Variants in FRK observed in about 807,000 individuals in gnomAD.
FRK encodes the protein tyrosine-protein kinase FRK.
A neutral mutation model predicts 56.4 loss-of-function variants in FRK; 51 were observed. The observed-to-expected ratio is 0.90, with a 90% CI of 0.72 to 1.14. The LOEUF is 1.14. Ranked by LOEUF, FRK falls within the 50% of genes most tolerant of loss-of-function variation. FRK has a pLI of 0.00. For synonymous variants in FRK, 245 were observed against 217.9 expected (o/e 1.12, Z -1.10); for missense variants, 570 against 601.4 (o/e 0.95, Z 0.55).
rs930013056 is a variant in FRK at position 115,935,557 on chromosome 6, G to C, written c.*6857C>G. 6.6e-6 allele frequency: 1 copy of C among 152,590 alleles called. No individual in the cohort carries two copies. The highest frequency in any genetic ancestry group is 1.5e-5 in the Non-Finnish European group (1 of 68,362). The allele number at this position is 152,590 out of a possible 1,614,324, so 9.5% of individuals were successfully genotyped here. A position where few individuals can be genotyped will look rare whatever the true frequency, so the allele number is the denominator to read the frequency against. On this transcript the variant is annotated 3_prime_UTR_variant, in exon 8 of 8. Coordinates refer to ENST00000606080, the MANE Select transcript of FRK (RefSeq NM_002031.3). ...AGGGAGCCAAGTGGTCTAGCTTGGCGGGTCCCACCCCCACGGAGCCCAGCA... is the reference window on the plus strand; with the variant it reads ...AGGGAGCCAAGTGGTCTAGCTTGGCCGGTCCCACCCCCACGGAGCCCAGCA...
chr6:115,954,990 A>G (rs1317351464), intron 5 of FRK, among the ~76,000 whole-genome samples: 1 of 152,206 alleles, frequency 6.6e-6, no homozygotes, highest in Admixed American at 6.5e-5. Flanking sequence ...TATTTACATT[A>G]TGCAGACTGA....
chr6:116,098,656 T>G, the FRK span, among the ~76,000 whole-genome samples: 1 of 152,230 alleles, frequency 6.6e-6, no homozygotes, highest in African/African-American at 2.4e-5. Context: ...AAACAGAAAT[T>G]AATTGGTATC....
At chr6:116,080,974 A>G in the FRK span, among the ~76,000 whole-genome samples, 4 of 152,228 alleles carry the variant, frequency 2.6e-5, no homozygotes, top group Non-Finnish European at 4.4e-5. Flanking sequence ...CTCACTGTTC[A>G]GCATGGCTGG....
chr6:115,931,264 T>C lies in FRK; in HGVS notation c.*11150A>G, dbSNP rs1447346743. ...ACTTTGATATAATTATCATAATAAA[T>C]CCAGTGTGAATAAAAATAGAATACA... On this transcript the variant is annotated 3_prime_UTR_variant, in exon 8 of 8. Transcript: ENST00000606080. 7.2e-5 allele frequency: 11 copies of C among 152,116 alleles called. No homozygotes were observed. The highest frequency in any genetic ancestry group is 1.5e-4 in the Non-Finnish European group (10 of 68,008). 9.4% of individuals were successfully genotyped at this position (152,116 alleles called of 1,614,324 possible). A position where few individuals can be genotyped will look rare whatever the true frequency, so the allele number is the denominator to read the frequency against.
At chr6:116,018,813 C>T (rs1046519033) in intron 1 of FRK, among the ~76,000 whole-genome samples, 3 of 151,886 alleles carry the variant, frequency 2.0e-5, no homozygotes, top group Admixed American at 2.0e-4. Context: ...CATTGAAATA[C>T]TCAGAGCATA....
intron 2 of FRK, among the ~76,000 whole-genome samples, chr6:116,002,447 T>A (rs192530198): frequency 6.6e-6 from 1 of 151,920 alleles, no homozygotes; most frequent in East Asian, 1.9e-4. Context: ...TGAAATCCCG[T>A]CCCAACTGAA....
chr6:115,944,550 G>A, intron 5 of FRK, 125 bp from the exon 6 acceptor site: 1 of 628,364 alleles, frequency 1.6e-6, no homozygotes, highest in East Asian at 2.8e-5. Flanking sequence ...GATCTGTTGA[G>A]CAAAATATAT....
chr6:116,045,578 T>C (rs1776916924), intron 1 of FRK, among the ~76,000 whole-genome samples: 2 of 152,144 alleles, frequency 1.3e-5, no homozygotes, highest in African/African-American at 4.8e-5. Flanking sequence ...TATACAAAAA[T>C]TAACTCAAGA....
At chr6:116,094,148 A>G in the FRK span, among the ~76,000 whole-genome samples, 2 of 152,210 alleles carry the variant, frequency 1.3e-5, no homozygotes, top group Non-Finnish European at 2.9e-5. Flanking sequence ...GTCCAACAAG[A>G]AACAAGCTGC....
chr6:116,028,488 T>G (rs1264676956), intron 1 of FRK, among the ~76,000 whole-genome samples: 1 of 152,098 alleles, frequency 6.6e-6, no homozygotes, highest in Non-Finnish European at 1.5e-5. Flanking sequence ...GCTCTCAAGG[T>G]TACAAGTCTG....
chr6:115,976,396 C>T (rs981030940), intron 2 of FRK, among the ~76,000 whole-genome samples: 7 of 151,992 alleles, frequency 4.6e-5, no homozygotes, highest in African/African-American at 1.7e-4. Context: ...ATTCCAGAAA[C>T]TAAGTTTGGA....
intron 2 of FRK, among the ~76,000 whole-genome samples, chr6:115,971,574 A>C (rs1773806277): frequency 6.6e-6 from 1 of 152,204 alleles, no homozygotes; most frequent in African/African-American, 2.4e-5. Flanking sequence ...TTTAATTTGT[A>C]GTCTGTGAGA....
chr6:116,074,005 C>G, the FRK span, among the ~76,000 whole-genome samples: 1 of 152,186 alleles, frequency 6.6e-6, no homozygotes, highest in African/African-American at 2.4e-5. Context: ...GCACCTGCTT[C>G]TAAATTACCC....
At position 115,953,179 on chromosome 6, in the gene FRK, C is replaced by CCCT. The variant is rs146010240; in HGVS notation, c.958+3272_958+3273insAGG. ...AAGAGTGGTACATCCATTTTAAGGC[C>CCCT]ATTTTTTTTTTTTTTTTTTTTTTTT... On this transcript the variant is annotated intron_variant, in intron 5 of 7. Coordinates refer to ENST00000606080, the MANE Select transcript of FRK (RefSeq NM_002031.3). 4.3e-5 allele frequency among the ~76,000 whole-genome samples: 3 copies of CCCT among 69,398 alleles called. 1 individual carries two copies. The highest frequency in any genetic ancestry group is 9.3e-5 in the African/African-American group (2 of 21,452). The allele number at this position is 69,398 out of a possible 152,430, so 45.5% of individuals were successfully genotyped here.
chr6:116,005,257 C>T (rs1016791266), intron 1 of FRK, among the ~76,000 whole-genome samples: 1 of 152,106 alleles, frequency 6.6e-6, no homozygotes, highest in Non-Finnish European at 1.5e-5. Context: ...GAGTAATGAA[C>T]AACTCCAAAA....
intron 1 of FRK, among the ~76,000 whole-genome samples, chr6:116,015,893 T>G (rs1775629348): frequency 6.6e-6 from 1 of 152,174 alleles, no homozygotes; most frequent in Admixed American, 6.6e-5. Context: ...CAGTCAGTCA[T>G]ATGCATTCAC....
the FRK span, among the ~76,000 whole-genome samples, chr6:116,079,880 A>G: frequency 1.3e-5 from 2 of 151,742 alleles, no homozygotes; most frequent in South Asian, 4.2e-4. Context: ...GGCCATAACA[A>G]CTCTCTTCTT....
chr6:116,057,726 G>C (rs946246759), intron 1 of FRK, among the ~76,000 whole-genome samples: 10 of 152,220 alleles, frequency 6.6e-5, no homozygotes, highest in African/African-American at 2.4e-4. Flanking sequence ...CAAGAAGAAA[G>C]GTCAAGGTAA....
rs139383192 is a variant in FRK at position 116,032,295 on chromosome 6, A to G, written c.344+27673T>C. 1.4e-4 allele frequency among the ~76,000 whole-genome samples: 22 copies of G among 152,224 alleles called. 1 individual carries two copies. In the East Asian group the frequency reaches 4.2e-3, roughly 29 times the overall value. On this transcript the variant is annotated intron_variant, in intron 1 of 7. Coordinates refer to ENST00000606080, the MANE Select transcript of FRK (RefSeq NM_002031.3). ...TCAAAAGGCAAGCTAAAACTGAAAA[A>G]CATTATCTGCAACACATGAGAAAAA...
Sources: gnomAD v4.1 joint callset for allele counts (sites outside exome capture counted in the v4.1 genomes callset) on GRCh38, gnomAD v4.1.1 for gene constraint, MANE v1.5 for transcripts, NCBI Gene and HGNC (gene_info 2026-07-23, HGNC 2026-07-21) for gene names.